SLC26A6: variants seen among roughly 807,000 people sequenced by gnomAD.
SLC26A6 encodes the protein anion exchange transporter.
Under a neutral mutation model 87.1 loss-of-function variants are expected in SLC26A6, and 67 were observed. The observed-to-expected ratio is 0.77, with a 90% confidence interval of 0.63 to 0.94. The LOEUF (loss-of-function observed/expected upper bound fraction) is 0.94, where lower values mean the gene tolerates loss of function less well. Among genes scored for constraint, SLC26A6 ranks in the 40% least tolerant of loss-of-function variants. SLC26A6 has a pLI of 0.00. For synonymous variants in SLC26A6, 414 were observed against 405.9 expected, an observed-to-expected ratio of 1.02 and a Z score of -0.24; for missense variants, 902 against 973.0, an observed-to-expected ratio of 0.93 and a Z score of 0.97.
At chr3:48,630,246 G>T in intron 11 of SLC26A6, 89 bp from the exon 12 acceptor site, 4 of 1,470,672 alleles carry the variant, frequency 2.7e-6, no homozygotes, top group Non-Finnish European at 3.7e-6. Context: ...CTAAGCCCAA[G>T]CACTCAGGCA....
In SLC26A6 at chr3:48,628,256, G is replaced by A; in HGVS notation, c.1800+178C>T. The A allele has an allele frequency of 1.2e-6, 1 of 841,232 alleles. No homozygotes were observed. Among genetic ancestry groups the A allele is most frequent in the Non-Finnish European group, 1.8e-6 (1 of 546,012 alleles). 52.1% of individuals were successfully genotyped at this position (841,232 alleles called of 1,614,324 possible). ...TGTCACTGGTTCAGATGATGGGAGA[G>A]AAAATGCTGCCTAGAGCCCGGACCT... On this transcript the variant is annotated intron_variant, in intron 16 of 20. Transcript: ENST00000395550. This position sits in a 1 kb window ranked among gnomAD's most constrained non-coding sequence, Gnocchi z 4.4.
chr3:48,628,855 C>T lies in SLC26A6; in HGVS notation c.1600-141G>A, dbSNP rs906998564. 3 of 983,136 alleles carry T rather than the reference C, an allele frequency of 3.1e-6. No individual in the cohort carries two copies. The African/African-American group carries it at 4.8e-5, about 16-fold the overall frequency. 60.9% of individuals were successfully genotyped at this position (983,136 alleles called of 1,614,324 possible). ...CCCCAGGCTGCAGTCCAGGCCCTCC[C>T]AGGGGCTTAGGCCACAAGCCCGACG... On this transcript the variant is annotated intron_variant, in intron 14 of 20. Coordinates refer to ENST00000395550, the MANE Select transcript of SLC26A6 (RefSeq NM_022911.3). The surrounding 1 kb of genome is among the most constrained non-coding windows in gnomAD (Gnocchi z 4.4).
In SLC26A6 at chr3:48,631,278, C is replaced by T; in HGVS notation, c.932G>A (p.Gly311Asp). The change falls in exon 8 of 21, where the codon GGC becomes GAC. Residue 311 changes from glycine to aspartate, a missense_variant. By Grantham distance (94) the Gly-to-Asp change is moderately conservative. Around this residue, in one of 3 missense-constraint regions of SLC26A6, gnomAD observed 800 missense variants for 856.8 expected, o/e 0.93. Transcript: ENST00000395550. ...TLIGATGISY[G>D]MGLKHRFEVD... ...CTCAAATCTGTGCTTTAGACCCATG[C>T]CATAGGAGATGCCTGTGGCCCCGAT... 1 of 1,605,792 alleles carries T rather than the reference C, an allele frequency of 6.2e-7. No homozygotes were observed. The highest frequency in any genetic ancestry group is 1.3e-5 in the African/African-American group (1 of 74,858).
chr3:48,629,651 C>T lies in SLC26A6; in HGVS notation c.1590G>A (p.Glu530=). 1 of 1,612,468 alleles carries T rather than the reference C, an allele frequency of 6.2e-7. No homozygotes were observed. Among genetic ancestry groups the T allele is most frequent in the Non-Finnish European group, 8.5e-7 (1 of 1,179,194 alleles). The part of the protein sequence containing the change: ...PDTDIYRDVA[E]YSEAKEVRGV... ...AGCCCCTGACACTCACCTCTGAGTA[C>T]TCTGCCACATCTCTGTAAATATCCG... Residue 530 remains glutamate, a synonymous_variant, in exon 14 of 21, where the codon GAG becomes GAA. Transcript: ENST00000395550.
chr3:48,627,082 C>A, intron 17 of SLC26A6, 27 bp from the exon 18 acceptor site: 1 of 1,605,488 alleles, frequency 6.2e-7, no homozygotes, highest in East Asian at 2.2e-5. Context: ...GCTGCCAGGG[C>A]CACCCATGAG....
rs2046690987 is a variant in SLC26A6 at position 48,628,558 on chromosome 3, G to C, written c.1693-17C>G. ...CACACCACACTGGAGGCAAACATCAGAGAAGGGTTGGTGAGCTCTCTGGGA... is the reference window on the plus strand; with the variant it reads ...CACACCACACTGGAGGCAAACATCACAGAAGGGTTGGTGAGCTCTCTGGGA... On this transcript the variant is annotated splice_polypyrimidine_tract_variant and intron_variant, in intron 15 of 20. Transcript: ENST00000395550. The surrounding 1 kb of genome is among the most constrained non-coding windows in gnomAD (Gnocchi z 4.4). The C allele has an allele frequency of 2.5e-6, 4 of 1,614,072 alleles. No individual in the cohort carries two copies. Among genetic ancestry groups the C allele is most frequent in the Non-Finnish European group, 3.4e-6 (4 of 1,179,974 alleles).
chr3:48,630,011 G>C, intron 12 of SLC26A6, 33 bp from the exon 13 acceptor site: 1 of 1,613,876 alleles, frequency 6.2e-7, no homozygotes, highest in Non-Finnish European at 8.5e-7. Context: ...GGAGGGCGGC[G>C]AGGAGCCATG....
Position 48,628,713 on chromosome 3 carries a change from G to A in SLC26A6, c.1601C>T (p.Ala534Val). 6.2e-7 allele frequency: 1 copy of A among 1,613,066 alleles called. No individual in the cohort carries two copies. Among genetic ancestry groups the A allele is most frequent in the Non-Finnish European group, 8.5e-7 (1 of 1,179,674 alleles). ...GACCTTCACCCCCCGGACTTCCTTG[G>A]CCTGGGGATGAGGCAGAACTGGTGG... Reference protein sequence around the residue: ...IYRDVAEYSEAKEVRGVKVFR... With the variant: ...IYRDVAEYSEVKEVRGVKVFR... The change falls in exon 15 of 21, where the codon GCC becomes GTC. Residue 534 changes from alanine to valine, a missense_variant and splice_region_variant. By Grantham distance (64) the Ala-to-Val change is moderately conservative. This residue lies in a region of SLC26A6 where 800 missense variants were observed against 856.8 expected (regional missense o/e 0.93). Transcript: ENST00000395550. This position sits in a 1 kb window ranked among gnomAD's most constrained non-coding sequence, Gnocchi z 4.4.
rs991864523 is a variant in SLC26A6 at position 48,626,102 on chromosome 3, G to A, written c.2266-102C>T. Reference sequence around the variant, plus strand: ...ATCCAAAGACAGCGGAGAAAGCACTGGGCCCACTGGGGACAGAGCCATGGC... The same window carrying A: ...ATCCAAAGACAGCGGAGAAAGCACTAGGCCCACTGGGGACAGAGCCATGGC... On this transcript the variant is annotated intron_variant, in intron 20 of 20. Coordinates refer to ENST00000395550, the MANE Select transcript of SLC26A6 (RefSeq NM_022911.3). The A allele has an allele frequency of 2.7e-5, 44 of 1,610,708 alleles. No homozygotes were observed. The Admixed American group carries it at 4.8e-4, about 18-fold the overall frequency.
At chr3:48,626,401 A>C (rs1156837891) in intron 19 of SLC26A6, 47 bp from the exon 20 acceptor site, 4 of 1,612,394 alleles carry the variant, frequency 2.5e-6, no homozygotes, top group Non-Finnish European at 2.5e-6. Context: ...ACCTCTAGGA[A>C]CTCAACTCCC....
chr3:48,627,807 A>T (rs575034361), intron 17 of SLC26A6, 139 bp downstream of exon 17: 9 of 696,490 alleles, frequency 1.3e-5, no homozygotes, highest in Non-Finnish European at 2.1e-5. Context: ...TATCTGACCC[A>T]GCCTCCCCAC....
At chr3:48,632,664 G>A (rs746619447) in intron 4 of SLC26A6, 15 of 690,300 alleles carry the variant, frequency 2.2e-5, no homozygotes, top group South Asian at 2.1e-4. Context: ...GGACACAGAG[G>A]CTCTCTGTGG....
chr3:48,631,265 C>T lies in SLC26A6; in HGVS notation c.945G>A (p.Lys315=). The change falls in exon 8 of 21, where the codon AAG becomes AAA. Residue 315 remains lysine, a synonymous_variant. Coordinates refer to ENST00000395550, the MANE Select transcript of SLC26A6 (RefSeq NM_022911.3). Reference sequence around the variant, plus strand: ...CCACGACATCTACCTCAAATCTGTGCTTTAGACCCATGCCATAGGAGATGC... The same window carrying T: ...CCACGACATCTACCTCAAATCTGTGTTTTAGACCCATGCCATAGGAGATGC... ...ATGISYGMGL[K]HRFEVDVVGN... is the part of the protein sequence containing the mutation. 6.2e-7 allele frequency: 1 copy of T among 1,609,284 alleles called. No homozygotes were observed. The highest frequency in any genetic ancestry group is 8.5e-7 in the Non-Finnish European group (1 of 1,177,306).
At chr3:48,630,570 G>C in intron 10 of SLC26A6, 37 bp downstream of exon 10, 2 of 1,560,698 alleles carry the variant, frequency 1.3e-6, no homozygotes, top group Non-Finnish European at 1.7e-6. Context: ...GCAAAGCAAT[G>C]TGCATGCCCA....
At chr3:48,630,947 C>T (rs1426036928) in intron 9 of SLC26A6, 46 bp downstream of exon 9, 2 of 1,604,734 alleles carry the variant, frequency 1.2e-6, no homozygotes, top group South Asian at 1.1e-5. Context: ...GTTGCTGGCG[C>T]CTCCATACAC....
Position 48,627,907 on chromosome 3 carries a change from G to C in SLC26A6, c.1893+39C>G, listed in dbSNP as rs367556656. The C allele has an allele frequency of 2.5e-4, 383 of 1,555,726 alleles. No homozygotes were observed. Among genetic ancestry groups the C allele is most frequent in the Non-Finnish European group, 3.2e-4 (373 of 1,150,580 alleles). On this transcript the variant is annotated intron_variant, in intron 17 of 20. Coordinates refer to ENST00000395550, the MANE Select transcript of SLC26A6 (RefSeq NM_022911.3). The stretch of plus-strand genomic sequence containing the variant: ...GACATGTGGATCCTGCATCTCTGCA[G>C]CTCACAGCTGTCACCTCCTTTCCCA...
chr3:48,630,193 G>C, intron 11 of SLC26A6, 36 bp from the exon 12 acceptor site: 1 of 1,594,862 alleles, frequency 6.3e-7, no homozygotes, highest in Non-Finnish European at 8.6e-7. Flanking sequence ...GGCCATTGAG[G>C]GCACCCGATG....
Position 48,626,660 on chromosome 3 carries a change from T to G in SLC26A6, c.2099A>C (p.Glu700Ala), listed in dbSNP as rs1296774520. 1.2e-6 allele frequency: 2 copies of G among 1,614,026 alleles called. No homozygotes were observed. The highest frequency in any genetic ancestry group is 1.1e-5 in the South Asian group (1 of 91,078). The change falls in exon 19 of 21, where the codon GAG becomes GCG. Residue 700 changes from glutamate (E) to alanine (A), a missense_variant. Around this residue, in one of 3 missense-constraint regions of SLC26A6, gnomAD observed 99 missense variants for 100.1 expected, o/e 0.99. Transcript: ENST00000395550. ...KNIFHDFREI[E>A]VEVYMAACHS... ...GCAGGCCGCCATGTACACCTCCACC[T>G]CAATCTCCCGGAAGTCATGGAAAAT...
Position 48,630,142 on chromosome 3 carries a change from T to C in SLC26A6, c.1342A>G (p.Ile448Val), listed in dbSNP as rs1159993384. 5.0e-6 allele frequency: 8 copies of C among 1,608,578 alleles called. No homozygotes were observed. The highest frequency in any genetic ancestry group is 6.8e-6 in the Non-Finnish European group (8 of 1,176,042). ...ATGCCCTTCAGGTTCACAATGATGA[T>C]GGCTGCCAGGACCGCCTGGGGTGGG... ...HDLPKAVLAAIIIVNLKGMLR... is the reference protein window; with the variant it reads ...HDLPKAVLAAVIIVNLKGMLR... The change falls in exon 12 of 21, where the codon ATC becomes GTC. Residue 448 changes from isoleucine (I) to valine (V), a missense_variant. Around this residue, in one of 3 missense-constraint regions of SLC26A6, gnomAD observed 800 missense variants for 856.8 expected, o/e 0.93. Coordinates refer to ENST00000395550, the MANE Select transcript of SLC26A6 (RefSeq NM_022911.3).
Sources: gnomAD v4.1 joint callset for allele counts on GRCh38, gnomAD v4.1.1 for gene constraint, gnomAD v4.1.1 regional missense constraint, Gnocchi (gnomAD v3.1) non-coding constraint, MANE v1.5 for transcripts, NCBI Gene and HGNC (gene_info 2026-07-23, HGNC 2026-07-21) for gene names.